MLN: variants seen among roughly 807,000 people sequenced by gnomAD.
MLN encodes promotilin.
MLN carries 14 observed loss-of-function variants against 13.3 expected under a neutral mutation model. That is an observed-to-expected ratio of 1.05 (90% CI 0.69 to 1.64). The LOEUF (loss-of-function observed/expected upper bound fraction) is 1.64, where lower values mean the gene tolerates loss of function less well. MLN is among the 40% of genes most tolerant of loss of function. MLN has a pLI of 0.00. For synonymous variants in MLN, 59 were observed against 54.7 expected, an observed-to-expected ratio of 1.08 and a Z score of -0.34; for missense variants, 122 against 142.9, an observed-to-expected ratio of 0.85 and a Z score of 0.75.
Position 33,799,379 on chromosome 6 carries a change from G to T in MLN, c.118-158C>A, listed in dbSNP as rs1289541541. Among the ~76,000 whole-genome samples, 1 of 152,172 alleles carries T rather than the reference G, an allele frequency of 6.6e-6. No individual in the cohort carries two copies. Among genetic ancestry groups the T allele is most frequent in the East Asian group, 1.9e-4 (1 of 5,186 alleles). On this transcript the variant is annotated intron_variant, in intron 2 of 4. Coordinates refer to ENST00000430124, the MANE Select transcript of MLN (RefSeq NM_002418.3). This position sits in a 1 kb window ranked among gnomAD's most constrained non-coding sequence, Gnocchi z 4.6. Reference sequence around the variant, plus strand: ...GGAGCCTCCTGCACGAGGAATCTCAGATACTAACTAGTGGCTCATGGATGT... The same window carrying T: ...GGAGCCTCCTGCACGAGGAATCTCATATACTAACTAGTGGCTCATGGATGT...
At position 33,803,500 on chromosome 6, in the gene MLN, G is replaced by A. The variant is rs1242275802; in HGVS notation, c.-8+453C>T. Among the ~76,000 whole-genome samples the A allele has an allele frequency of 6.6e-6, 1 of 152,074 alleles. No homozygotes were observed. The highest frequency in any genetic ancestry group is 6.5e-5 in the Admixed American group (1 of 15,278). On this transcript the variant is annotated intron_variant, in intron 1 of 4. Coordinates refer to ENST00000430124, the MANE Select transcript of MLN (RefSeq NM_002418.3). This position sits in a 1 kb window ranked among gnomAD's most constrained non-coding sequence, Gnocchi z 4.5. Reference sequence around the variant, plus strand: ...TTTTTGTATTTTTAGTAGAGACAGGGTGTCACCATATTGGCCTGGCTGGTC... The same window carrying A: ...TTTTTGTATTTTTAGTAGAGACAGGATGTCACCATATTGGCCTGGCTGGTC...
rs1466283669 is a variant in MLN, at chr6:33,799,860, T to G, written c.118-639A>C. ...CAGCCCCCAGTCTTGCCCGGCATGC[T>G]GCTGGCCAGGTCCCTGAGCACTGAG... On this transcript the variant is annotated intron_variant, in intron 2 of 4. Coordinates refer to ENST00000430124, the MANE Select transcript of MLN (RefSeq NM_002418.3). This position sits in a 1 kb window ranked among gnomAD's most constrained non-coding sequence, Gnocchi z 4.6. Among the ~76,000 whole-genome samples, 1 of 152,244 alleles carries G rather than the reference T, an allele frequency of 6.6e-6. No individual in the cohort carries two copies. The highest frequency in any genetic ancestry group is 1.5e-5 in the Non-Finnish European group (1 of 68,040).
rs1194735518 is a variant in MLN at position 33,799,182 on chromosome 6, C to T, written c.157G>A (p.Val53Ile). Residue 53 changes from valine to isoleucine, a missense_variant, in exon 3 of 5, where the codon GTA becomes ATA. Transcript: ENST00000430124. The surrounding 1 kb of genome is among the most constrained non-coding windows in gnomAD (Gnocchi z 4.6). The part of the protein sequence containing the change: ...RNKGQKKSLS[V>I]WQRSGEEGPV... ...CCTTCCTCCCCAGACCTCTGCCATA[C>T]ACTCAGGGATTTCTTTTGCCCTTTA... The T allele has an allele frequency of 6.2e-7, 1 of 1,613,214 alleles. No homozygotes were observed. Among genetic ancestry groups the T allele is most frequent in the Admixed American group, 1.7e-5 (1 of 59,994 alleles).
intron 3 of MLN, among the ~76,000 whole-genome samples, chr6:33,798,863 C>T (rs772975277): frequency 2.6e-5 from 4 of 152,154 alleles, no homozygotes; most frequent in Non-Finnish European, 5.9e-5. Flanking sequence ...AAAGCAGTCT[C>T]CCAAACCCCA....
intron 1 of MLN, among the ~76,000 whole-genome samples, chr6:33,801,749 C>T (rs1760834273): frequency 6.6e-6 from 1 of 152,240 alleles, no homozygotes; most frequent in South Asian, 2.1e-4. Context: ...GCCAAGAGGG[C>T]ACCCCCTTCC....
chr6:33,795,449 C>T (rs1440498942), intron 4 of MLN, 54 bp downstream of exon 4: 9 of 1,427,892 alleles, frequency 6.3e-6, no homozygotes, highest in South Asian at 4.9e-5. Context: ...GGAGTATTAA[C>T]GCCAGGGTGG....
At position 33,803,462 on chromosome 6, in the gene MLN, C is replaced by T. The variant is rs1295292076; in HGVS notation, c.-8+491G>A. On this transcript the variant is annotated intron_variant, in intron 1 of 4. Coordinates refer to ENST00000430124, the MANE Select transcript of MLN (RefSeq NM_002418.3). This position sits in a 1 kb window ranked among gnomAD's most constrained non-coding sequence, Gnocchi z 4.5. ...AGCTGGGACTACAGGCATGTGCCACCTCGCATGGCTAATTTTTGTATTTTT... is the reference window on the plus strand; with the variant it reads ...AGCTGGGACTACAGGCATGTGCCACTTCGCATGGCTAATTTTTGTATTTTT... Among the ~76,000 whole-genome samples, 1 of 152,084 alleles carries T rather than the reference C, an allele frequency of 6.6e-6. No homozygotes were observed. Among genetic ancestry groups the T allele is most frequent in the African/African-American group, 2.4e-5 (1 of 41,398 alleles).
chr6:33,799,089 C>G lies in MLN; in HGVS notation c.234+16G>C, dbSNP rs992004598. Reference sequence around the variant, plus strand: ...CTGCTCTGAGTTTCTCTCCTTTGTCCCAGTTGTCTGCTCACCTTGATCATT... The same window carrying G: ...CTGCTCTGAGTTTCTCTCCTTTGTCGCAGTTGTCTGCTCACCTTGATCATT... On this transcript the variant is annotated intron_variant, in intron 3 of 4. Coordinates refer to ENST00000430124, the MANE Select transcript of MLN (RefSeq NM_002418.3). The surrounding 1 kb of genome is among the most constrained non-coding windows in gnomAD (Gnocchi z 4.6). The G allele has an allele frequency of 3.2e-6, 5 of 1,564,898 alleles. No homozygotes were observed. In the African/African-American group the frequency reaches 5.4e-5, roughly 17 times the overall value.
chr6:33,795,209 C>T (rs1416878342), intron 4 of MLN, among the ~76,000 whole-genome samples: 2 of 152,218 alleles, frequency 1.3e-5, no homozygotes, highest in African/African-American at 2.4e-5. Flanking sequence ...GGGAAAGCCT[C>T]ACCAAGGTTC....
Position 33,794,752 on chromosome 6 carries a change from C to T in MLN, c.*73G>A. On this transcript the variant is annotated 3_prime_UTR_variant, in exon 5 of 5. Coordinates refer to ENST00000430124, the MANE Select transcript of MLN (RefSeq NM_002418.3). The stretch of plus-strand genomic sequence containing the variant: ...TCCTTCCAAGCCCAGCTGGCAGGCT[C>T]TGTAAATTCCCAGGGCCTCACTTGG... 3 of 1,579,826 alleles carry T rather than the reference C, an allele frequency of 1.9e-6. No homozygotes were observed. The highest frequency in any genetic ancestry group is 1.1e-5 in the South Asian group (1 of 87,000).
At position 33,803,467 on chromosome 6, in the gene MLN, A is replaced by T. The variant is rs112813062; in HGVS notation, c.-8+486T>A. On this transcript the variant is annotated intron_variant, in intron 1 of 4. Transcript: ENST00000430124. The surrounding 1 kb of genome is among the most constrained non-coding windows in gnomAD (Gnocchi z 4.5). Reference sequence around the variant, plus strand: ...GGACTACAGGCATGTGCCACCTCGCATGGCTAATTTTTGTATTTTTAGTAG... The same window carrying T: ...GGACTACAGGCATGTGCCACCTCGCTTGGCTAATTTTTGTATTTTTAGTAG... Among the ~76,000 whole-genome samples, 11,322 of 151,796 alleles carry T rather than the reference A, an allele frequency of 0.075. 523 individuals are homozygous for T. Among genetic ancestry groups the T allele is most frequent in the South Asian group, 0.1 (484 of 4,788 alleles).
intron 1 of MLN, among the ~76,000 whole-genome samples, chr6:33,801,624 C>T (rs1257945269): frequency 6.6e-6 from 1 of 152,216 alleles, no homozygotes; most frequent in Non-Finnish European, 1.5e-5. Context: ...GACCCAAGCC[C>T]AGATGACCAG....
chr6:33,795,109 T>G (rs1286261391), intron 4 of MLN, among the ~76,000 whole-genome samples: 2 of 152,240 alleles, frequency 1.3e-5, no homozygotes, highest in African/African-American at 4.8e-5. Flanking sequence ...TCAGAGGAGA[T>G]GTAGCTTTGC....
At chr6:33,795,373 G>T (rs1767888674) in intron 4 of MLN, 130 bp downstream of exon 4, 2 of 723,640 alleles carry the variant, frequency 2.8e-6, no homozygotes, top group Non-Finnish European at 4.7e-6. Flanking sequence ...AGCCCAGGGA[G>T]AAGACGGCTC....
chr6:33,798,535 C>T (rs141814620), intron 3 of MLN, among the ~76,000 whole-genome samples: 43 of 152,326 alleles, frequency 2.8e-4, no homozygotes, highest in Middle Eastern at 3.4e-3. Context: ...AAGACTGTAG[C>T]GCCTCCTGCC....
intron 2 of MLN, among the ~76,000 whole-genome samples, chr6:33,800,133 C>T (rs112144528): frequency 6.6e-6 from 1 of 152,326 alleles, no homozygotes; most frequent in African/African-American, 2.4e-5. Flanking sequence ...CACCTCCCCA[C>T]ATAAAGTGGG....
chr6:33,794,895 C>T, intron 4 of MLN, 60 bp from the exon 5 acceptor site: 3 of 1,598,314 alleles, frequency 1.9e-6, no homozygotes, highest in South Asian at 1.1e-5. Flanking sequence ...TGAAACTGCC[C>T]TCTAAAACTT....
In MLN at chr6:33,801,189, C is replaced by A; in HGVS notation, c.-7-19G>T. On this transcript the variant is annotated intron_variant, in intron 1 of 4. Transcript: ENST00000430124. ...CTTGGAGCTGGACAATGACAAGGAGCTCTTGTCACTAAGTTTGGGGTACAG... is the reference window on the plus strand; with the variant it reads ...CTTGGAGCTGGACAATGACAAGGAGATCTTGTCACTAAGTTTGGGGTACAG... 1 of 1,572,696 alleles carries A rather than the reference C, an allele frequency of 6.4e-7. No individual in the cohort carries two copies. The highest frequency in any genetic ancestry group is 8.8e-7 in the Non-Finnish European group (1 of 1,142,772).
rs947234801 is a variant in MLN, at chr6:33,803,685, G to A, written c.-8+268C>T. The stretch of plus-strand genomic sequence containing the variant: ...ATGATGAGCTCTGGCTTGGGTTCCC[G>A]GCCCACCGTGGATGTGCCAGACCCA... On this transcript the variant is annotated intron_variant, in intron 1 of 4. Transcript: ENST00000430124. The surrounding 1 kb of genome is among the most constrained non-coding windows in gnomAD (Gnocchi z 4.5). 4.6e-5 allele frequency among the ~76,000 whole-genome samples: 7 copies of A among 152,142 alleles called. No individual in the cohort carries two copies. Among genetic ancestry groups the A allele is most frequent in the African/African-American group, 1.2e-4 (5 of 41,430 alleles).
Sources: allele counts gnomAD v4.1 joint callset (sites outside exome capture counted in the v4.1 genomes callset), GRCh38; gene constraint gnomAD v4.1.1; non-coding constraint Gnocchi (gnomAD v3.1); transcripts MANE v1.5; gene names NCBI Gene and HGNC (gene_info 2026-07-23, HGNC 2026-07-21).